Variants in SH2B2 observed in about 807,000 individuals in gnomAD.
SH2B2 encodes the protein SH2B adaptor protein 2.
SH2B2 carries 37 observed loss-of-function variants against 35.7 expected under a neutral mutation model. The observed-to-expected ratio is 1.04, with a 90% CI of 0.80 to 1.36. SH2B2 has a LOEUF of 1.36. SH2B2 is among the 40% of genes most tolerant of loss of function. The pLI is 0.00. For missense variants in SH2B2, 852 were observed against 817.7 expected, an observed-to-expected ratio of 1.04 and a Z score of -0.51; for synonymous variants, 383 against 376.4, an observed-to-expected ratio of 1.02 and a Z score of -0.20.
chr7:102,317,678 A>G (rs1008409489), intron 7 of SH2B2, among the ~76,000 whole-genome samples: 5 of 152,156 alleles, frequency 3.3e-5, no homozygotes, highest in Non-Finnish European at 7.4e-5. Context: ...GGCCCTTCTA[A>G]TAACCCAAAT....
At position 102,300,506 on chromosome 7, in the gene SH2B2, C is replaced by T; in HGVS notation, c.-29-16C>T. On this transcript the variant is annotated splice_polypyrimidine_tract_variant and intron_variant, in intron 1 of 8. Transcript: ENST00000444095. ...TCACAGGCCTGAAAGTCACTGCGCG[C>T]TCTTCTCGCCCGAAGCCGCAGGTGG... 1 of 1,519,086 alleles carries T rather than the reference C, an allele frequency of 6.6e-7. No homozygotes were observed. Among genetic ancestry groups the T allele is most frequent in the Non-Finnish European group, 8.8e-7 (1 of 1,137,222 alleles). The allele number at this position is 1,519,086 out of a possible 1,614,324, so 94.1% of individuals were successfully genotyped here.
At chr7:102,293,893 C>A (rs79956797) in intron 1 of SH2B2, among the ~76,000 whole-genome samples, 4,971 of 152,136 alleles carry the variant, frequency 0.033, 291 homozygotes, top group African/African-American at 0.11. Context: ...TGCCTGGCAC[C>A]AACTCAGCTG....
In SH2B2 at chr7:102,321,628, T is replaced by C. The variant is rs1470648265; in HGVS notation, c.1897T>C (p.Ter633GlnextTer20). 1.7e-5 allele frequency: 19 copies of C among 1,144,312 alleles called. No homozygotes were observed. Among genetic ancestry groups the C allele is most frequent in the African/African-American group, 3.3e-5 (2 of 61,098 alleles). 70.9% of individuals were successfully genotyped at this position (1,144,312 alleles called of 1,614,324 possible). The change falls in exon 9 of 9, where the codon TAG becomes CAG. Residue 633 changes from the stop codon to glutamine, a stop_lost. Coordinates refer to ENST00000444095, the MANE Select transcript of SH2B2 (RefSeq NM_001359228.2). Reference sequence around the variant, plus strand: ...CGTGGAGAACCAGTACTCCTTCTACTAGCCCGCGGCGCCGCCCGGGTGGGA... The same window carrying C: ...CGTGGAGAACCAGTACTCCTTCTACCAGCCCGCGGCGCCGCCCGGGTGGGA... ...RAVENQYSFY[*>Q] is the part of the protein sequence containing the mutation.
At chr7:102,309,355 C>CTCTCT (rs1554555559) in intron 4 of SH2B2, 3 of 184,158 alleles carry the variant, frequency 1.6e-5, no homozygotes, top group African/African-American at 1.2e-4. Context: ...CTCTCTCTCT[C>CTCTCT]TTTTTTTTTT....
intron 6 of SH2B2, chr7:102,316,970 C>T (rs1049087508): frequency 1.5e-5 from 7 of 455,346 alleles, no homozygotes; most frequent in East Asian, 3.6e-5. Context: ...AGTCAGCCAC[C>T]GGGATTGCAG....
At chr7:102,298,482 A>G (rs919259191) in intron 1 of SH2B2, among the ~76,000 whole-genome samples, 10 of 152,284 alleles carry the variant, frequency 6.6e-5, no homozygotes, top group Admixed American at 1.3e-4. Flanking sequence ...GCTGAAGTAC[A>G]GTGGTGCCAT....
intron 6 of SH2B2, among the ~76,000 whole-genome samples, chr7:102,315,454 G>C (rs898122646): frequency 6.6e-6 from 1 of 151,992 alleles, no homozygotes; most frequent in Admixed American, 6.6e-5. Flanking sequence ...TCAGCCTCCC[G>C]AGTAGCTGAG....
intron 1 of SH2B2, among the ~76,000 whole-genome samples, chr7:102,290,717 T>C (rs1792643520): frequency 6.6e-6 from 1 of 152,158 alleles, no homozygotes; most frequent in Admixed American, 6.5e-5. Flanking sequence ...GAAACAACTC[T>C]TTCTTACAGG....
At chr7:102,321,262 A>G (rs782082618) in intron 8 of SH2B2, 37 bp from the exon 9 acceptor site, 30 of 1,336,626 alleles carry the variant, frequency 2.2e-5, no homozygotes, top group Middle Eastern at 2.7e-4. Context: ...TGGCCAGCCC[A>G]GGTCCCCACT....
Position 102,288,193 on chromosome 7 carries a change from A to G in SH2B2, c.-30+1099A>G, listed in dbSNP as rs115112965. Among the ~76,000 whole-genome samples, 697 of 152,088 alleles carry G rather than the reference A, an allele frequency of 4.6e-3. 4 individuals carry two copies. Among genetic ancestry groups the G allele is most frequent in the African/African-American group, 0.015 (622 of 41,498 alleles). On this transcript the variant is annotated intron_variant, in intron 1 of 8. Coordinates refer to ENST00000444095, the MANE Select transcript of SH2B2 (RefSeq NM_001359228.2). ...GACTGCCTCTTGAGCTGAAGCCCCC[A>G]CTACTGTGTCCCACCTTGAACTCTC...
intron 6 of SH2B2, among the ~76,000 whole-genome samples, chr7:102,316,933 C>T (rs1266866627): frequency 2.0e-5 from 3 of 151,932 alleles, no homozygotes; most frequent in East Asian, 1.9e-4. Context: ...GCAGGAGAAT[C>T]GCTTGAACCC....
chr7:102,298,640 C>T (rs530781199), intron 1 of SH2B2, among the ~76,000 whole-genome samples: 1 of 152,066 alleles, frequency 6.6e-6, no homozygotes, highest in South Asian at 2.1e-4. Context: ...AGTACAGTGG[C>T]CCCATCACAA....
intron 6 of SH2B2, 187 bp from the exon 7 acceptor site, chr7:102,317,000 C>T (rs1554557111): frequency 1.3e-5 from 7 of 542,988 alleles, no homozygotes; most frequent in Non-Finnish European, 1.9e-5. Context: ...CCAGCCTGGG[C>T]GACAAGAGCG....
Position 102,301,249 on chromosome 7 carries a change from C to T in SH2B2, c.699C>T (p.Arg233=). The T allele has an allele frequency of 3.7e-6, 6 of 1,604,918 alleles. No homozygotes were observed. Among genetic ancestry groups the T allele is most frequent in the South Asian group, 1.1e-5 (1 of 89,904 alleles). Residue 233 remains arginine, a synonymous_variant, in exon 2 of 9, where the codon CGC becomes CGT. Coordinates refer to ENST00000444095, the MANE Select transcript of SH2B2 (RefSeq NM_001359228.2). ...TGCGCAGGGCTGTGGCCGAGGAACG[C>T]TTCCGCCTGGAGTTCTTCGTGCCGC... ...LLLRRAVAEE[R]FRLEFFVPPK...
intron 3 of SH2B2, among the ~76,000 whole-genome samples, chr7:102,307,459 C>G (rs960277701): frequency 6.6e-6 from 1 of 152,206 alleles, no homozygotes; most frequent in Non-Finnish European, 1.5e-5. Context: ...GCATGAAGCC[C>G]CCACCCTCTT....
intron 7 of SH2B2, 93 bp downstream of exon 7, chr7:102,317,488 C>A (rs1793895739): frequency 8.3e-7 from 1 of 1,207,446 alleles, no homozygotes; most frequent in Non-Finnish European, 1.1e-6. Context: ...GCCCTGGAAG[C>A]AGCTGCAGGC....
chr7:102,302,460 C>A (rs1022977641), intron 2 of SH2B2, among the ~76,000 whole-genome samples: 1 of 152,248 alleles, frequency 6.6e-6, no homozygotes. Context: ...ATGCACTGAC[C>A]CTTCCCCTCT....
intron 6 of SH2B2, among the ~76,000 whole-genome samples, chr7:102,316,498 A>C (rs1047974491): frequency 1.3e-5 from 2 of 151,930 alleles, no homozygotes; most frequent in Admixed American, 1.3e-4. Context: ...GAGGCAGGAG[A>C]ATCACTAGAA....
chr7:102,286,131 C>T (rs1242560706), upstream of SH2B2, among the ~76,000 whole-genome samples: 3 of 152,246 alleles, frequency 2.0e-5, no homozygotes, highest in Non-Finnish European at 2.9e-5. Context: ...TGTGGCCCCT[C>T]ATCGCCCCTC....
Sources: gnomAD v4.1 joint callset for allele counts (sites outside exome capture counted in the v4.1 genomes callset) on GRCh38, gnomAD v4.1.1 for gene constraint, MANE v1.5 for transcripts, NCBI Gene and HGNC (gene_info 2026-07-23, HGNC 2026-07-21) for gene names.